DNAI4: variants seen among roughly 807,000 people sequenced by gnomAD.
DNAI4 encodes the protein dynein axonemal intermediate chain 4, also known as WD repeat domain 78.
Under a neutral mutation model 105.8 loss-of-function variants are expected in DNAI4, and 85 were observed. That is an observed-to-expected ratio of 0.80 (90% CI 0.67 to 0.96). The LOEUF (loss-of-function observed/expected upper bound fraction) is 0.96, where lower values mean the gene tolerates loss of function less well. Ranked by LOEUF, DNAI4 falls within the 40% of genes least tolerant of loss-of-function variation. DNAI4 has a pLI of 0.00. For missense variants in DNAI4, 1,014 were observed against 1,005.6 expected, an observed-to-expected ratio of 1.01 and a Z score of -0.11; for synonymous variants, 352 against 331.5, an observed-to-expected ratio of 1.06 and a Z score of -0.67.
chr1:66,857,931 T>C (rs1417483783), intron 7 of DNAI4, among the ~76,000 whole-genome samples: 1 of 152,066 alleles, frequency 6.6e-6, no homozygotes, highest in Non-Finnish European at 1.5e-5. Context: ...GAACAATTCC[T>C]TAAAAGGCAC....
chr1:66,896,946 G>A (rs1648386533), intron 2 of DNAI4, among the ~76,000 whole-genome samples: 1 of 152,202 alleles, frequency 6.6e-6, no homozygotes, highest in African/African-American at 2.4e-5. Flanking sequence ...ACTGAGTAGT[G>A]GATAGAGGCT....
intron 6 of DNAI4, among the ~76,000 whole-genome samples, chr1:66,863,616 G>A (rs568605933): frequency 2.6e-5 from 4 of 151,932 alleles, no homozygotes; most frequent in African/African-American, 9.7e-5. Flanking sequence ...CCCACACCAC[G>A]CCTGGCTAAT....
rs779915165 is a variant in DNAI4 at position 66,905,283 on chromosome 1, C to G, written c.263G>C (p.Arg88Thr). The G allele has an allele frequency of 6.3e-7, 1 of 1,586,040 alleles. No homozygotes were observed. The highest frequency in any genetic ancestry group is 8.6e-7 in the Non-Finnish European group (1 of 1,161,264). Residue 88 changes from arginine (R) to threonine (T), a missense_variant, in exon 2 of 17, where the codon AGA becomes ACA. Arg to Thr is a moderately conservative substitution (Grantham distance 71). Coordinates refer to ENST00000371026, the MANE Select transcript of DNAI4 (RefSeq NM_024763.5). ...AAGCACGGTTTTGGACACAGCCATT[C>G]TGCTTTGATTTGCACCAGTATATCC... is the stretch of plus-strand genomic sequence containing the variant. ...VKGYTGANQS[R>T]MAVSKTVLIP...
In DNAI4 at chr1:66,828,030, T is replaced by G. The variant is rs1207804126; in HGVS notation, c.2014-120A>C. The stretch of plus-strand genomic sequence containing the variant: ...TCAAGAACCCAAAATAAAAACACTA[T>G]CTTGAATATACCAATCTTGTCTTTT... On this transcript the variant is annotated intron_variant, in intron 13 of 16. Transcript: ENST00000371026. The G allele has an allele frequency of 7.0e-6, 4 of 568,802 alleles. No individual in the cohort carries two copies. The East Asian group carries it at 9.0e-5, about 13-fold the overall frequency. The allele number at this position is 568,802 out of a possible 1,614,324, so 35.2% of individuals were successfully genotyped here.
chr1:66,856,234 C>G (rs1029775358), intron 7 of DNAI4, among the ~76,000 whole-genome samples: 23 of 151,780 alleles, frequency 1.5e-4, no homozygotes, highest in African/African-American at 5.6e-4. Context: ...CTTTGGGAGG[C>G]CGAGGTGGGC....
At chr1:66,815,457 A>G (rs1645496407) in intron 16 of DNAI4, among the ~76,000 whole-genome samples, 1 of 152,210 alleles carries the variant, frequency 6.6e-6, no homozygotes, top group South Asian at 2.1e-4. Flanking sequence ...TTTCTTACAT[A>G]TATTACAGAT....
intron 13 of DNAI4, 88 bp downstream of exon 13, chr1:66,833,497 C>T (rs372301378): frequency 6.9e-7 from 1 of 1,439,182 alleles, no homozygotes; most frequent in Admixed American, 2.2e-5. Context: ...CATTAACAGG[C>T]TAATATTTGG....
intron 10 of DNAI4, among the ~76,000 whole-genome samples, 186 bp from the exon 11 acceptor site, chr1:66,835,963 G>C (rs1402621892): frequency 6.6e-6 from 1 of 151,556 alleles, no homozygotes; most frequent in African/African-American, 2.4e-5. Flanking sequence ...CATTTCCTTT[G>C]ATACAAGTAT....
At chr1:66,876,009 G>A (rs1270077447) in intron 4 of DNAI4, among the ~76,000 whole-genome samples, 1 of 151,996 alleles carries the variant, frequency 6.6e-6, no homozygotes, top group Non-Finnish European at 1.5e-5. Context: ...GATAAACAAG[G>A]TCAGGAAACA....
At chr1:66,888,306 G>A (rs972230716) in intron 4 of DNAI4, among the ~76,000 whole-genome samples, 16 of 152,098 alleles carry the variant, frequency 1.1e-4, no homozygotes, top group East Asian at 3.9e-4. Context: ...ATTCTAGAGC[G>A]AGGAAGCACT....
chr1:66,832,528 TG>T (rs1415847838), intron 13 of DNAI4, among the ~76,000 whole-genome samples: 1 of 152,014 alleles, frequency 6.6e-6, no homozygotes, highest in Admixed American at 6.6e-5. Flanking sequence ...GAAAGGTAGT[TG>T]GGGGTAGGGC....
At position 66,918,359 on chromosome 1, in the gene DNAI4, T is replaced by C. The variant is rs563118897; in HGVS notation, c.170+6303A>G. On this transcript the variant is annotated intron_variant, in intron 1 of 16. Coordinates refer to ENST00000371026, the MANE Select transcript of DNAI4 (RefSeq NM_024763.5). ...ATTTTCTACAGTTTGGACCAAATTC[T>C]AATTTTTCTTGGCCACAAGTCTTCA... 2.0e-5 allele frequency among the ~76,000 whole-genome samples: 3 copies of C among 152,360 alleles called. No homozygotes were observed. In the South Asian group the frequency reaches 6.2e-4, roughly 32 times the overall value.
At chr1:66,835,256 T>C (rs1191319242) in intron 11 of DNAI4, among the ~76,000 whole-genome samples, 1 of 151,914 alleles carries the variant, frequency 6.6e-6, no homozygotes, top group African/African-American at 2.4e-5. Context: ...TAGATTTACA[T>C]ATATACACAT....
intron 16 of DNAI4, among the ~76,000 whole-genome samples, chr1:66,814,545 T>C (rs569529117): frequency 6.6e-6 from 1 of 152,308 alleles, no homozygotes; most frequent in South Asian, 2.1e-4. Context: ...ATTTTTTGTA[T>C]TTTTAGTAGA....
At chr1:66,893,872 A>C (rs560208397) in intron 2 of DNAI4, among the ~76,000 whole-genome samples, 3 of 152,328 alleles carry the variant, frequency 2.0e-5, no homozygotes, top group Admixed American at 1.3e-4. Flanking sequence ...GTACCATAAC[A>C]TTATAACAGA....
chr1:66,836,250 GAGAGAGAAAGAAAGAAAGAAAGAA>G lies in DNAI4; in HGVS notation c.1582-497_1582-474del, dbSNP rs1269065859. Among the ~76,000 whole-genome samples the G allele has an allele frequency of 3.4e-3, 453 of 132,110 alleles. 11 individuals carry two copies. The highest frequency in any genetic ancestry group is 5.4e-3 in the Non-Finnish European group (337 of 62,092). The allele number at this position is 132,110 out of a possible 152,430, so 86.7% of individuals were successfully genotyped here. A position where few individuals can be genotyped will look rare whatever the true frequency, so the allele number is the denominator to read the frequency against. On this transcript the variant is annotated intron_variant, in intron 10 of 16. Transcript: ENST00000371026. ...AGAGAGAGAGAAAGAAAGAAAGAGAGAGAGAGAAAGAAAGAAAGAAAGAAAGAAAGAAAGAAAGAAAGAAAGAAA... is the reference window on the plus strand; with the variant it reads ...AGAGAGAGAGAAAGAAAGAAAGAGAGAGAAAGAAAGAAAGAAAGAAAGAAA...
At chr1:66,829,066 T>A (rs12403395) in intron 13 of DNAI4, among the ~76,000 whole-genome samples, 19,846 of 152,086 alleles carry the variant, frequency 0.13, 1,544 homozygotes, top group East Asian at 0.21. Context: ...GATATTTCAG[T>A]TGAGCCGTGA....
At chr1:66,851,725 A>G (rs1646400853) in intron 7 of DNAI4, among the ~76,000 whole-genome samples, 1 of 151,996 alleles carries the variant, frequency 6.6e-6, no homozygotes, top group Non-Finnish European at 1.5e-5. Context: ...TAAAAAATGT[A>G]TTTAATAATG....
intron 7 of DNAI4, among the ~76,000 whole-genome samples, chr1:66,859,510 C>A (rs1172862098): frequency 6.6e-6 from 1 of 152,084 alleles, no homozygotes; most frequent in African/African-American, 2.4e-5. Flanking sequence ...ATGTTTATAA[C>A]CGTTTTATTC....
Sources: gnomAD v4.1 joint callset for allele counts (sites outside exome capture counted in the v4.1 genomes callset) on GRCh38, gnomAD v4.1.1 for gene constraint, MANE v1.5 for transcripts, NCBI Gene and HGNC (gene_info 2026-07-23, HGNC 2026-07-21) for gene names.